Variants in RELL1 observed in about 807,000 individuals in gnomAD.
The protein encoded by RELL1 is RELT-like protein 1.
In RELL1, 10 loss-of-function variants were observed where a neutral mutation model predicts 23.0. The ratio of observed to expected loss-of-function variants is 0.43; its 90% confidence interval spans 0.27 to 0.74. RELL1 has a LOEUF of 0.74. Ranked by LOEUF, RELL1 falls within the 30% of genes least tolerant of loss-of-function variation. The pLI is 0.19. For missense variants in RELL1, 315 were observed against 364.4 expected (o/e 0.86, Z 1.10); for synonymous variants, 146 against 146.8 (o/e 0.99, Z 0.04).
chr4:37,588,999 G>C, downstream of RELL1: 1 of 871,450 alleles, frequency 1.1e-6, no homozygotes, highest in Admixed American at 1.9e-5. Flanking sequence ...TATCCAGCTT[G>C]GGGCATGATC....
intron 6 of RELL1, among the ~76,000 whole-genome samples, chr4:37,627,282 C>A (rs956082152): frequency 6.6e-6 from 1 of 152,056 alleles, no homozygotes; most frequent in Admixed American, 6.6e-5. Context: ...CAGAAACATG[C>A]GACACAGAAT....
Position 37,596,097 on chromosome 4 carries a change from C to T in RELL1, c.*4-4880G>A, listed in dbSNP as rs558211595. 1.5e-4 allele frequency among the ~76,000 whole-genome samples: 23 copies of T among 152,300 alleles called. No individual in the cohort carries two copies. In the East Asian group the frequency reaches 4.4e-3, roughly 29 times the overall value. ...CTGCCCATGTGACACGTGCCTGGTA[C>T]TTCCCATACATGTGCCTCTTTAATC... On this transcript the variant is annotated intron_variant, in intron 6 of 6. Coordinates refer to the RELL1 transcript ENST00000314117.
intron 2 of RELL1, 101 bp from the exon 3 acceptor site, chr4:37,647,540 C>A (rs1720751017): frequency 2.6e-6 from 2 of 762,880 alleles, no homozygotes; most frequent in Non-Finnish European, 2.3e-6. Context: ...TTTCCAGAAG[C>A]CTCAGGAGAT....
rs74886514 is a variant in RELL1, at chr4:37,612,624, G to T, written c.*722C>A. Among the ~76,000 whole-genome samples, 728 of 144,172 alleles carry T rather than the reference G, an allele frequency of 5.0e-3. 5 individuals are homozygous for T. Among genetic ancestry groups the T allele is most frequent in the African/African-American group, 0.018 (696 of 38,048 alleles). The allele number at this position is 144,172 out of a possible 152,430, so 94.6% of individuals were successfully genotyped here. ...TGCACTCCAGCCTAGGGGACACAGC[G>T]AGACTCTGCCTCAAAAAAAAAAAAA... is the stretch of plus-strand genomic sequence containing the variant. On this transcript the variant is annotated 3_prime_UTR_variant, in exon 7 of 7. Coordinates refer to ENST00000454158, the MANE Select transcript of RELL1 (RefSeq NM_001085400.2).
At chr4:37,593,229 T>C (rs1294368353) in intron 6 of RELL1, among the ~76,000 whole-genome samples, 1 of 152,214 alleles carries the variant, frequency 6.6e-6, no homozygotes, top group Non-Finnish European at 1.5e-5. Context: ...TTCAGTTGTA[T>C]GGGACGAGTG....
In RELL1 at chr4:37,673,029, T is replaced by C. The variant is rs554091184; in HGVS notation, c.88+13171A>G. On this transcript the variant is annotated intron_variant, in intron 1 of 6. Coordinates refer to ENST00000454158, the MANE Select transcript of RELL1 (RefSeq NM_001085400.2). ...AGTCTGGACCATGTGTGGTGGCTCA[T>C]GCCTGTAATCAAGAATTCAATAGAC... Among the ~76,000 whole-genome samples, 10 of 152,316 alleles carry C rather than the reference T, an allele frequency of 6.6e-5. No individual in the cohort carries two copies. The South Asian group carries it at 2.1e-3, about 32-fold the overall frequency.
At position 37,635,121 on chromosome 4, in the gene RELL1, G is replaced by C; in HGVS notation, c.446C>G (p.Pro149Arg). 6.2e-7 allele frequency: 1 copy of C among 1,613,540 alleles called. No individual in the cohort carries two copies. Among genetic ancestry groups the C allele is most frequent in the South Asian group, 1.1e-5 (1 of 91,078 alleles). The stretch of plus-strand genomic sequence containing the variant: ...GCTCCCTGGTGTGCTGGGGGTCACG[G>C]GGCTAATGTGGGGAGGAAAACAAAA... ...ADNSLYDPES[P>R]VTPSTPGSPP... The change falls in exon 5 of 7, where the codon CCC (proline) becomes CGC (arginine). Residue 149 changes from proline (P) to arginine (R), a missense_variant and splice_region_variant. Transcript: ENST00000454158.
chr4:37,675,475 T>G (rs1721996776), intron 1 of RELL1, among the ~76,000 whole-genome samples: 1 of 152,212 alleles, frequency 6.6e-6, no homozygotes, highest in Non-Finnish European at 1.5e-5. Flanking sequence ...ACACAGTGGT[T>G]GCAAGAATTA....
intron 6 of RELL1, chr4:37,622,714 G>A (rs1249869211): frequency 4.6e-6 from 2 of 434,020 alleles, no homozygotes; most frequent in East Asian, 1.4e-4. Context: ...CTCTGTAAGA[G>A]TATGGTCTTC....
At chr4:37,671,642 T>G (rs1049834069) in intron 1 of RELL1, among the ~76,000 whole-genome samples, 1 of 152,196 alleles carries the variant, frequency 6.6e-6, no homozygotes, top group African/African-American at 2.4e-5. Context: ...ACCCTCTTCC[T>G]GGAAAACTCA....
intron 1 of RELL1, among the ~76,000 whole-genome samples, chr4:37,668,963 G>C (rs573627499): frequency 1.3e-5 from 2 of 151,114 alleles, no homozygotes; most frequent in East Asian, 2.0e-4. Flanking sequence ...TGAGAGGTGA[G>C]GAGCCCCTCT....
intron 6 of RELL1, among the ~76,000 whole-genome samples, chr4:37,603,192 G>C (rs535817889): frequency 6.6e-6 from 1 of 152,194 alleles, no homozygotes; most frequent in Non-Finnish European, 1.5e-5. Flanking sequence ...GCCAGCAGAG[G>C]GAGCGAAGGG....
intron 6 of RELL1, among the ~76,000 whole-genome samples, chr4:37,603,445 G>A (rs1294536710): frequency 1.3e-5 from 2 of 152,182 alleles, no homozygotes; most frequent in Admixed American, 1.3e-4. Context: ...AGACTAAAGG[G>A]TCGGAGGATC....
In RELL1 at chr4:37,631,663, G is replaced by A. The variant is rs1720141485; in HGVS notation, c.681-140C>T. ...GACACAAATGAAAAACAACATATTC[G>A]AACATGCATTCCTATCCAGTACATT... is the stretch of plus-strand genomic sequence containing the variant. On this transcript the variant is annotated intron_variant, in intron 5 of 6. Coordinates refer to ENST00000454158, the MANE Select transcript of RELL1 (RefSeq NM_001085400.2). The A allele has an allele frequency of 1.0e-5, 9 of 884,012 alleles. No homozygotes were observed. The South Asian group carries it at 1.6e-4, about 15-fold the overall frequency. 54.8% of individuals were successfully genotyped at this position (884,012 alleles called of 1,614,324 possible).
At chr4:37,590,220 C>A, downstream of RELL1, 2 of 1,614,172 alleles carry the variant, frequency 1.2e-6, no homozygotes, top group Middle Eastern at 1.6e-4. Flanking sequence ...AGAAAAATGA[C>A]CCTCAGAGGC....
chr4:37,591,080 T>G, exon 7 of RELL1: 1 of 1,222,232 alleles, frequency 8.2e-7, no homozygotes, highest in Non-Finnish European at 1.2e-6. Context: ...GCATAGCAGG[T>G]GATTCTGCCA....
At chr4:37,596,336 CT>C (rs1241623093) in intron 6 of RELL1, among the ~76,000 whole-genome samples, 2 of 152,122 alleles carry the variant, frequency 1.3e-5, no homozygotes, top group Non-Finnish European at 2.9e-5. Context: ...GGACCTACCT[CT>C]AGGAATTCAG....
chr4:37,650,657 C>T (rs1422241856), intron 1 of RELL1, among the ~76,000 whole-genome samples: 1 of 152,084 alleles, frequency 6.6e-6, no homozygotes, highest in East Asian at 1.9e-4. Flanking sequence ...TGCCTTTAGA[C>T]ATGTCAAAGT....
chr4:37,641,199 G>A (rs907599559), intron 3 of RELL1, among the ~76,000 whole-genome samples: 1 of 152,070 alleles, frequency 6.6e-6, no homozygotes, highest in Non-Finnish European at 1.5e-5. Flanking sequence ...TTTGCTGAGT[G>A]AGTCTCTAGG....
Sources: allele counts gnomAD v4.1 joint callset (sites outside exome capture counted in the v4.1 genomes callset), GRCh38; gene constraint gnomAD v4.1.1; transcripts MANE v1.5; gene names NCBI Gene and HGNC (gene_info 2026-07-23, HGNC 2026-07-21).